ENPP1: variants seen among roughly 807,000 people sequenced by gnomAD.
ENPP1 encodes ectonucleotide pyrophosphatase/phosphodiesterase 1.
In ENPP1, 73 loss-of-function variants were observed where a neutral mutation model predicts 122.8. The observed-to-expected ratio is 0.59, with a 90% confidence interval of 0.49 to 0.72. The LOEUF (loss-of-function observed/expected upper bound fraction) is 0.72. ENPP1 is among the 30% of genes least tolerant of loss of function. The pLI is 0.00. For missense variants in ENPP1, 978 were observed against 1,128.1 expected, an observed-to-expected ratio of 0.87 and a Z score of 1.91; for synonymous variants, 367 against 391.6, an observed-to-expected ratio of 0.94 and a Z score of 0.74.
chr6:131,876,925 T>G, intron 17 of ENPP1, 67 bp from the exon 18 acceptor site: 2 of 1,467,536 alleles, frequency 1.4e-6, no homozygotes, highest in Non-Finnish European at 1.9e-6. Context: ...GTAAAGATCA[T>G]GGCACAAGTC....
chr6:131,841,809 A>G (rs553379517), intron 1 of ENPP1, among the ~76,000 whole-genome samples: 2 of 152,156 alleles, frequency 1.3e-5, no homozygotes, highest in Non-Finnish European at 2.9e-5. Context: ...CTAGAGAAAC[A>G]TGGTGCTAGC....
Position 131,881,025 on chromosome 6 carries a change from T to A in ENPP1, c.2100+991T>A, listed in dbSNP as rs556849493. 4.6e-5 allele frequency among the ~76,000 whole-genome samples: 7 copies of A among 152,124 alleles called. No homozygotes were observed. The East Asian group carries it at 9.7e-4, about 21-fold the overall frequency. On this transcript the variant is annotated intron_variant, in intron 20 of 24. Coordinates refer to ENST00000647893, the MANE Select transcript of ENPP1 (RefSeq NM_006208.3). ...GGGAAGATGAGATTTTGATCTTACGTGGAATTGAAATTTTAAACTGGGCTG... is the reference window on the plus strand; with the variant it reads ...GGGAAGATGAGATTTTGATCTTACGAGGAATTGAAATTTTAAACTGGGCTG...
chr6:131,826,857 A>C (rs1422626934), intron 1 of ENPP1: 15 of 371,536 alleles, frequency 4.0e-5, no homozygotes, highest in Non-Finnish European at 7.1e-5. Flanking sequence ...GGGGCAGAAA[A>C]GTTTCTCACA....
At chr6:131,835,608 T>C (rs1452851309) in intron 1 of ENPP1, among the ~76,000 whole-genome samples, 1 of 152,192 alleles carries the variant, frequency 6.6e-6, no homozygotes, top group Non-Finnish European at 1.5e-5. Context: ...GTGCAGAATG[T>C]GCAGGTTTGT....
chr6:131,838,751 G>A (rs1781706178), intron 1 of ENPP1, among the ~76,000 whole-genome samples: 1 of 151,930 alleles, frequency 6.6e-6, no homozygotes, highest in African/African-American at 2.4e-5. Context: ...AAAAAAGGGT[G>A]GCAGTACAAA....
At chr6:131,868,272 T>A (rs1354833296) in intron 12 of ENPP1, 146 bp downstream of exon 12, 1 of 630,230 alleles carries the variant, frequency 1.6e-6, no homozygotes, top group Non-Finnish European at 2.8e-6. Flanking sequence ...AAAAAATACA[T>A]TAAATATAAA....
At chr6:131,876,914 A>G (rs1782235917) in intron 17 of ENPP1, 78 bp from the exon 18 acceptor site, 2 of 1,408,750 alleles carry the variant, frequency 1.4e-6, no homozygotes, top group South Asian at 1.2e-5. Flanking sequence ...GTTTTAAAAA[A>G]GTAAAGATCA....
intron 13 of ENPP1, 53 bp downstream of exon 13, chr6:131,869,542 C>A: frequency 6.3e-7 from 1 of 1,584,122 alleles, no homozygotes; most frequent in Non-Finnish European, 8.7e-7. Context: ...GAATACCTTC[C>A]TTTAGGCCGG....
At chr6:131,848,263 CA>C (rs1781838258) in intron 2 of ENPP1, among the ~76,000 whole-genome samples, 1 of 152,146 alleles carries the variant, frequency 6.6e-6, no homozygotes, top group Admixed American at 6.6e-5. Context: ...TTGGTTGTTT[CA>C]AAGCCACAAT....
chr6:131,811,376 A>ATATATCTATATC (rs56938500), intron 1 of ENPP1, among the ~76,000 whole-genome samples: 15,522 of 131,160 alleles, frequency 0.12, 1,086 homozygotes, highest in South Asian at 0.16. Flanking sequence ...ATCTATATCT[A>ATATATCTATATC]TATATCTATA....
Position 131,894,880 on chromosome 6 carries a change from C to T in ENPP1, c.*4369C>T, listed in dbSNP as rs1300407002. On this transcript the variant is annotated 3_prime_UTR_variant, in exon 25 of 25. Transcript: ENST00000647893. The stretch of plus-strand genomic sequence containing the variant: ...CCTCCTCTGTCATTACCCACAATCA[C>T]TCTCCTTCTTTGCGCTATGGTAGGT... 6.6e-6 allele frequency: 1 copy of T among 152,002 alleles called. No individual in the cohort carries two copies. The highest frequency in any genetic ancestry group is 1.5e-5 in the Non-Finnish European group (1 of 68,030). 9.4% of individuals were successfully genotyped at this position (152,002 alleles called of 1,614,324 possible).
intron 18 of ENPP1, chr6:131,877,866 A>AAATATATATATAT (rs1562183349): frequency 3.8e-5 from 2 of 53,024 alleles, no homozygotes; most frequent in African/African-American, 1.9e-4. Flanking sequence ...AAAAAAAAAA[A>AAATATATATATAT]ATATATATAT....
At chr6:131,818,947 A>T (rs1267999142) in intron 1 of ENPP1, among the ~76,000 whole-genome samples, 1 of 152,188 alleles carries the variant, frequency 6.6e-6, no homozygotes, top group Non-Finnish European at 1.5e-5. Context: ...TTCAAGGAAA[A>T]CCTATGAAGC....
At chr6:131,862,944 T>C (rs1332192695) in intron 9 of ENPP1, among the ~76,000 whole-genome samples, 1 of 152,144 alleles carries the variant, frequency 6.6e-6, no homozygotes, top group Non-Finnish European at 1.5e-5. Flanking sequence ...GGGGAAGGGC[T>C]ATTACCAACT....
chr6:131,878,568 A>C lies in ENPP1; in HGVS notation c.1920A>C (p.Thr640=), dbSNP rs1219607341. ...PSILPIEDFQ[T]QFNLTVAEEK... ...TTTTGCCGATTGAGGATTTTCAAAC[A>C]CAGTTCAATCTGACTGTGGCAGAAG... The change falls in exon 19 of 25, where the codon ACA becomes ACC. Residue 640 remains threonine (T), a synonymous_variant. Transcript: ENST00000647893. 6.2e-7 allele frequency: 1 copy of C among 1,613,072 alleles called. No individual in the cohort carries two copies. Among genetic ancestry groups the C allele is most frequent in the Non-Finnish European group, 8.5e-7 (1 of 1,179,286 alleles).
chr6:131,885,230 T>G (rs1782361947), intron 23 of ENPP1, among the ~76,000 whole-genome samples, 167 bp downstream of exon 23: 1 of 152,258 alleles, frequency 6.6e-6, no homozygotes, highest in Non-Finnish European at 1.5e-5. Flanking sequence ...TTAATTTTGA[T>G]GTTTTGCTCA....
chr6:131,814,885 G>A (rs9388917), intron 1 of ENPP1, among the ~76,000 whole-genome samples: 14,105 of 152,184 alleles, frequency 0.093, 777 homozygotes, highest in South Asian at 0.21. Flanking sequence ...GCAGAGGATA[G>A]TACCTGACAC....
At chr6:131,862,347 G>T (rs376407066) in intron 9 of ENPP1, among the ~76,000 whole-genome samples, 15 of 152,256 alleles carry the variant, frequency 9.9e-5, no homozygotes, top group African/African-American at 3.6e-4. Context: ...CTTAACTCTA[G>T]AAAGAAAAAG....
At chr6:131,815,250 C>T (rs946235538) in intron 1 of ENPP1, among the ~76,000 whole-genome samples, 1 of 152,146 alleles carries the variant, frequency 6.6e-6, no homozygotes, top group Non-Finnish European at 1.5e-5. Context: ...ACAGACACTC[C>T]AAGTGTGGCA....
Sources: allele counts gnomAD v4.1 joint callset (sites outside exome capture counted in the v4.1 genomes callset), GRCh38; gene constraint gnomAD v4.1.1; transcripts MANE v1.5; gene names NCBI Gene and HGNC (gene_info 2026-07-23, HGNC 2026-07-21).